METAP1D: variants seen among roughly 807,000 people sequenced by gnomAD.
METAP1D encodes methionine aminopeptidase 1D, mitochondrial.
Under a neutral mutation model 40.5 loss-of-function variants are expected in METAP1D, and 31 were observed. The ratio of observed to expected loss-of-function variants is 0.77; its 90% CI spans 0.58 to 1.03. The LOEUF (loss-of-function observed/expected upper bound fraction) is 1.03. Ranked by LOEUF, METAP1D falls within the 50% of genes least tolerant of loss-of-function variation. The pLI is 0.00. For missense variants in METAP1D, 411 were observed against 420.7 expected, an observed-to-expected ratio of 0.98 and a Z score of 0.20; for synonymous variants, 151 against 146.4, an observed-to-expected ratio of 1.03 and a Z score of -0.22.
At chr2:172,000,712 T>C (rs995877129) in intron 1 of METAP1D, among the ~76,000 whole-genome samples, 9 of 152,204 alleles carry the variant, frequency 5.9e-5, no homozygotes, top group Admixed American at 5.2e-4. Flanking sequence ...TTTTGTGAGG[T>C]AAATATTATT....
At position 172,065,518 on chromosome 2, in the gene METAP1D, T is replaced by G. The variant is rs535167741; in HGVS notation, c.349-86T>G. 42 of 1,291,556 alleles carry G rather than the reference T, an allele frequency of 3.3e-5. No homozygotes were observed. The South Asian group carries it at 5.6e-4, about 17-fold the overall frequency. The allele number at this position is 1,291,556 out of a possible 1,614,324, so 80.0% of individuals were successfully genotyped here. A position where few individuals can be genotyped will look rare whatever the true frequency, so the allele number is the denominator to read the frequency against. On this transcript the variant is annotated intron_variant, in intron 3 of 9. Coordinates refer to ENST00000315796, the MANE Select transcript of METAP1D (RefSeq NM_199227.3). Reference sequence around the variant, plus strand: ...CATAGTAAATTTATACAGTCTCACATGGAAGTACTGTTGCTATAGCATAGT... The same window carrying G: ...CATAGTAAATTTATACAGTCTCACAGGGAAGTACTGTTGCTATAGCATAGT...
intron 1 of METAP1D, among the ~76,000 whole-genome samples, chr2:172,025,954 A>C (rs1689111678): frequency 6.6e-6 from 1 of 152,220 alleles, no homozygotes. Context: ...AAAATATTAA[A>C]ATATAAGTAC....
chr2:172,072,321 T>C (rs1690440872), intron 6 of METAP1D: 1 of 167,174 alleles, frequency 6.0e-6, no homozygotes, highest in Admixed American at 6.5e-5. Flanking sequence ...CTGGTGGTGC[T>C]CTTGCATTTT....
intron 1 of METAP1D, among the ~76,000 whole-genome samples, 162 bp from the exon 2 acceptor site, chr2:172,061,336 A>G (rs536783353): frequency 1.3e-5 from 2 of 152,372 alleles, no homozygotes; most frequent in South Asian, 4.1e-4. Flanking sequence ...CTATTGTACT[A>G]GAATTCAGAA....
In METAP1D at chr2:172,071,780, A is replaced by C. The variant is rs1690426815; in HGVS notation, c.704+710A>C. 1.3e-5 allele frequency among the ~76,000 whole-genome samples: 2 copies of C among 152,182 alleles called. 1 individual carries two copies. The highest frequency in any genetic ancestry group is 4.1e-4 in the South Asian group (2 of 4,834). On this transcript the variant is annotated intron_variant, in intron 6 of 9. Coordinates refer to ENST00000315796, the MANE Select transcript of METAP1D (RefSeq NM_199227.3). Reference sequence around the variant, plus strand: ...ATATGTTTTCATTTTAAAGTAATGCATTCTGTTAAAGATGATCACATCAGT... The same window carrying C: ...ATATGTTTTCATTTTAAAGTAATGCCTTCTGTTAAAGATGATCACATCAGT...
rs866140195 is a variant in METAP1D, at chr2:172,061,577, CTTTTT to C, written c.122_126del (p.Phe41SerfsTer24). On this transcript the variant is annotated frameshift_variant, in exon 2 of 10. Coordinates refer to ENST00000315796, the MANE Select transcript of METAP1D (RefSeq NM_199227.3). LOFTEE classifies it high-confidence loss of function. ...CAAGCAGTCAACAAAGAAGAAATTT[CTTTTT>C]TCGGAGACAAAGAGATATTTCACAC... 6.2e-7 allele frequency: 1 copy of C among 1,613,820 alleles called. No homozygotes were observed. The highest frequency in any genetic ancestry group is 2.2e-5 in the East Asian group (1 of 44,870).
chr2:172,019,542 C>T (rs1166182817), intron 1 of METAP1D, among the ~76,000 whole-genome samples: 1 of 151,520 alleles, frequency 6.6e-6, no homozygotes, highest in East Asian at 1.9e-4. Context: ...ATAGAGAGAC[C>T]CCTCTGTCTA....
At chr2:172,069,340 A>T (rs1690367681) in intron 5 of METAP1D, among the ~76,000 whole-genome samples, 1 of 152,264 alleles carries the variant, frequency 6.6e-6, no homozygotes, top group Admixed American at 6.5e-5. Flanking sequence ...GACTACGCCT[A>T]TATTAGCAAA....
Position 172,063,719 on chromosome 2 carries a change from G to A in METAP1D, c.207G>A (p.Lys69=), listed in dbSNP as rs756897310. ...SSAHPVPKHI[K]KPDYVTTGIV... The stretch of plus-strand genomic sequence containing the variant: ...AATCCTTTTTCCTCAAGCACATAAA[G>A]AAGCCAGACTATGTGACGACAGGCA... The change falls in exon 3 of 10, where the codon AAG becomes AAA. Residue 69 remains lysine, a synonymous_variant. Transcript: ENST00000315796. The A allele has an allele frequency of 1.2e-6, 2 of 1,610,090 alleles. No homozygotes were observed. The highest frequency in any genetic ancestry group is 2.2e-5 in the South Asian group (2 of 90,986).
At chr2:172,069,665 A>T (rs977524864) in intron 5 of METAP1D, among the ~76,000 whole-genome samples, 5 of 152,212 alleles carry the variant, frequency 3.3e-5, no homozygotes, top group Admixed American at 6.5e-5. Flanking sequence ...AAGTGGGAGT[A>T]AATGTATAAA....
rs1489351795 is a variant in METAP1D, at chr2:172,042,878, TAA to T, written c.41-18618_41-18617del. Among the ~76,000 whole-genome samples the T allele has an allele frequency of 4.8e-5, 6 of 123,858 alleles. 2 individuals carry two copies. Among genetic ancestry groups the T allele is most frequent in the Non-Finnish European group, 9.5e-5 (5 of 52,422 alleles). The allele number at this position is 123,858 out of a possible 152,430, so 81.3% of individuals were successfully genotyped here. A position where few individuals can be genotyped will look rare whatever the true frequency, so the allele number is the denominator to read the frequency against. On this transcript the variant is annotated intron_variant, in intron 1 of 9. Coordinates refer to ENST00000315796, the MANE Select transcript of METAP1D (RefSeq NM_199227.3). Reference sequence around the variant, plus strand: ...ATATGTACATATATGTGTATGTGTGTAAATATGTACATATATGTGTATGTGTA... The same window carrying T: ...ATATGTACATATATGTGTATGTGTGTATATGTACATATATGTGTATGTGTA...
chr2:172,025,503 AT>A (rs1234301057), intron 1 of METAP1D, among the ~76,000 whole-genome samples: 2 of 151,512 alleles, frequency 1.3e-5, no homozygotes, highest in Admixed American at 6.6e-5. Context: ...TAATTTTTGT[AT>A]TTTTTTGTAG....
intron 1 of METAP1D, among the ~76,000 whole-genome samples, chr2:172,021,639 A>G (rs1689010493): frequency 6.6e-6 from 1 of 152,228 alleles, no homozygotes; most frequent in South Asian, 2.1e-4. Context: ...AGAAAAGGCT[A>G]GACAGAGAAG....
chr2:172,028,695 T>C (rs1689175852), intron 1 of METAP1D, among the ~76,000 whole-genome samples: 2 of 151,860 alleles, frequency 1.3e-5, no homozygotes, highest in Admixed American at 1.3e-4. Context: ...TAAAGAAAAA[T>C]AAGGTTTGCC....
intron 6 of METAP1D, among the ~76,000 whole-genome samples, chr2:172,077,233 A>G (rs912567517): frequency 6.6e-6 from 1 of 152,230 alleles, no homozygotes; most frequent in Non-Finnish European, 1.5e-5. Flanking sequence ...GAGTATTTCA[A>G]GAATATTGAC....
chr2:172,073,870 T>C (rs1487037662), intron 6 of METAP1D, among the ~76,000 whole-genome samples: 1 of 152,256 alleles, frequency 6.6e-6, no homozygotes, highest in Non-Finnish European at 1.5e-5. Flanking sequence ...TCTCTACTGA[T>C]ACACTAGGAA....
intron 1 of METAP1D, among the ~76,000 whole-genome samples, chr2:172,021,083 T>C (rs1574097009): frequency 6.6e-6 from 1 of 151,860 alleles, no homozygotes; most frequent in Non-Finnish European, 1.5e-5. Context: ...AAGGCAGAGT[T>C]AATTTTATTA....
chr2:172,033,395 C>A (rs1397561693), intron 1 of METAP1D, among the ~76,000 whole-genome samples: 1 of 151,486 alleles, frequency 6.6e-6, no homozygotes, highest in African/African-American at 2.4e-5. Flanking sequence ...ACTCTGTCAC[C>A]CAGGCCAGAG....
chr2:172,037,905 A>G (rs1299416623), intron 1 of METAP1D, among the ~76,000 whole-genome samples: 1 of 152,198 alleles, frequency 6.6e-6, no homozygotes, highest in Non-Finnish European at 1.5e-5. Flanking sequence ...CACTTGTTGT[A>G]GAAGTTGAAA....
Sources: gnomAD v4.1 joint callset for allele counts (sites outside exome capture counted in the v4.1 genomes callset) on GRCh38, gnomAD v4.1.1 for gene constraint, MANE v1.5 for transcripts, NCBI Gene and HGNC (gene_info 2026-07-23, HGNC 2026-07-21) for gene names.